Variants in ADCY2 observed in about 807,000 individuals in gnomAD.
ADCY2 encodes the protein adenylate cyclase type 2.
ADCY2 carries 31 observed loss-of-function variants against 125.2 expected under a neutral mutation model. That is an observed-to-expected ratio of 0.25 (90% CI 0.19 to 0.33). The LOEUF is 0.33. Among genes scored for constraint, ADCY2 ranks in the 10% least tolerant of loss-of-function variants. ADCY2 has a pLI of 1.00. For missense variants in ADCY2, 904 were observed against 1,418.2 expected, an observed-to-expected ratio of 0.64 and a Z score of 5.82; for synonymous variants, 512 against 548.4, an observed-to-expected ratio of 0.93 and a Z score of 0.93.
At chr5:7,680,679 T>C (rs886154805) in intron 4 of ADCY2, among the ~76,000 whole-genome samples, 1 of 152,238 alleles carries the variant, frequency 6.6e-6, no homozygotes, top group Non-Finnish European at 1.5e-5. Context: ...CTCAATGCAT[T>C]ACATATATAA....
chr5:7,817,099 G>A (rs550600727), intron 23 of ADCY2, 119 bp downstream of exon 23: 92 of 732,030 alleles, frequency 1.3e-4, no homozygotes, highest in Admixed American at 2.2e-4. Context: ...AATGCATCCC[G>A]TTGCAAGACT....
rs191691606 is a variant in ADCY2, at chr5:7,635,641, A to G, written c.720+9325A>G. Among the ~76,000 whole-genome samples, 1,271 of 152,266 alleles carry G rather than the reference A, an allele frequency of 8.3e-3. 13 individuals carry two copies. The highest frequency in any genetic ancestry group is 0.013 in the Non-Finnish European group (906 of 68,030). On this transcript the variant is annotated intron_variant, in intron 4 of 24. Transcript: ENST00000338316. ...CTGGAGTTAAAGATGTGAACTTGAA[A>G]GTCATCAGCATATAGTTCCTATTTC...
At chr5:7,439,919 G>A (rs1311534175) in intron 2 of ADCY2, among the ~76,000 whole-genome samples, 1 of 152,056 alleles carries the variant, frequency 6.6e-6, no homozygotes, top group Non-Finnish European at 1.5e-5. Context: ...GAATTCCGGG[G>A]GTGAGAGGAG....
chr5:7,776,989 C>A (rs1021376617), intron 18 of ADCY2, among the ~76,000 whole-genome samples: 1 of 152,076 alleles, frequency 6.6e-6, no homozygotes, highest in African/African-American at 2.4e-5. Context: ...CCCTGCTTTG[C>A]AGACGGCCTG....
chr5:7,822,725 CATGT>C (rs1206907969), intron 24 of ADCY2, among the ~76,000 whole-genome samples: 1 of 103,052 alleles, frequency 9.7e-6, no homozygotes, highest in Non-Finnish European at 2.2e-5. Flanking sequence ...TGTGTACATG[CATGT>C]GTGTGTGTGT....
chr5:7,504,020 T>C (rs1456948300), intron 2 of ADCY2, among the ~76,000 whole-genome samples: 1 of 152,132 alleles, frequency 6.6e-6, no homozygotes, highest in Non-Finnish European at 1.5e-5. Flanking sequence ...CATGTTTCAC[T>C]GAGGTTTTGG....
chr5:7,702,098 A>G (rs1292266134), intron 7 of ADCY2, among the ~76,000 whole-genome samples: 9 of 152,080 alleles, frequency 5.9e-5, no homozygotes, highest in Admixed American at 5.9e-4. Flanking sequence ...GATCAATAAA[A>G]TGGTTATTTT....
At chr5:7,794,797 G>A (rs913012292) in intron 20 of ADCY2, 22 of 152,136 alleles carry the variant, frequency 1.4e-4, no homozygotes, top group African/African-American at 5.3e-4. Context: ...GCAATCCCAG[G>A]CCAGGTGGGG....
intron 2 of ADCY2, among the ~76,000 whole-genome samples, chr5:7,467,558 G>C (rs1742170919): frequency 6.6e-6 from 1 of 152,154 alleles, no homozygotes; most frequent in South Asian, 2.1e-4. Context: ...TCAGATTTCT[G>C]CCTCTGGAAA....
intron 4 of ADCY2, among the ~76,000 whole-genome samples, chr5:7,683,393 G>A (rs1416285133): frequency 1.3e-5 from 2 of 152,218 alleles, no homozygotes; most frequent in African/African-American, 4.8e-5. Flanking sequence ...GCAATAGCTA[G>A]GGTAAGCGGT....
At position 7,411,173 on chromosome 5, in the gene ADCY2, G is replaced by A. The variant is rs550392156; in HGVS notation, c.211-3400G>A. Among the ~76,000 whole-genome samples, 264 of 152,308 alleles carry A rather than the reference G, an allele frequency of 1.7e-3. 1 individual carries two copies. The highest frequency in any genetic ancestry group is 6.1e-3 in the African/African-American group (254 of 41,576). ...GCAGATACAGAACAAATTGGTGGCT[G>A]TTCTCTTCCTTGAAGAGTCTCTGTT... On this transcript the variant is annotated intron_variant, in intron 1 of 24. Transcript: ENST00000338316.
intron 3 of ADCY2, among the ~76,000 whole-genome samples, chr5:7,622,892 G>A (rs1273916116): frequency 2.6e-5 from 4 of 152,198 alleles, no homozygotes; most frequent in African/African-American, 9.6e-5. Flanking sequence ...CCCTATACAG[G>A]CTGCCCCAGC....
At chr5:7,812,346 C>T (rs1304130031) in intron 22 of ADCY2, among the ~76,000 whole-genome samples, 3 of 152,206 alleles carry the variant, frequency 2.0e-5, no homozygotes, top group Admixed American at 6.5e-5. Flanking sequence ...AGAAAATGAA[C>T]TGTCCCTGTT....
At chr5:7,400,839 T>C (rs1304832723) in intron 1 of ADCY2, among the ~76,000 whole-genome samples, 1 of 152,220 alleles carries the variant, frequency 6.6e-6, no homozygotes, top group African/African-American at 2.4e-5. Context: ...TTACTTGTGG[T>C]ATAACAAAGG....
chr5:7,424,889 T>C (rs1319660721), intron 2 of ADCY2, among the ~76,000 whole-genome samples: 1 of 152,218 alleles, frequency 6.6e-6, no homozygotes, highest in East Asian at 1.9e-4. Context: ...GGTTTTCTCA[T>C]CTGGGTCTGC....
chr5:7,726,172 T>A (rs1741924082), intron 13 of ADCY2, among the ~76,000 whole-genome samples: 1 of 152,196 alleles, frequency 6.6e-6, no homozygotes, highest in South Asian at 2.1e-4. Flanking sequence ...CCTGACAGTA[T>A]TTTCAGGAGG....
At position 7,455,763 on chromosome 5, in the gene ADCY2, T is replaced by C. The variant is rs1367705455; in HGVS notation, c.408+40993T>C. Among the ~76,000 whole-genome samples, 5 of 147,072 alleles carry C rather than the reference T, an allele frequency of 3.4e-5. No homozygotes were observed. The East Asian group carries it at 9.8e-4, about 29-fold the overall frequency. ...ACAGTATGTGTTATATAAAAATATA[T>C]ACATATATACTATATATTATATAAC... On this transcript the variant is annotated intron_variant, in intron 2 of 24. Coordinates refer to ENST00000338316, the MANE Select transcript of ADCY2 (RefSeq NM_020546.3).
intron 2 of ADCY2, among the ~76,000 whole-genome samples, chr5:7,488,815 A>G (rs941125378): frequency 5.3e-5 from 8 of 152,088 alleles, no homozygotes; most frequent in African/African-American, 1.4e-4. Flanking sequence ...GCCCCTCGTC[A>G]GTGCCCAGCC....
At chr5:7,621,143 A>T (rs1057283790) in intron 3 of ADCY2, among the ~76,000 whole-genome samples, 2 of 152,186 alleles carry the variant, frequency 1.3e-5, no homozygotes, top group African/African-American at 4.8e-5. Context: ...ATGACCTGAT[A>T]CCCTTAAATG....
Sources: allele counts gnomAD v4.1 joint callset (sites outside exome capture counted in the v4.1 genomes callset), GRCh38; gene constraint gnomAD v4.1.1; transcripts MANE v1.5; gene names NCBI Gene and HGNC (gene_info 2026-07-23, HGNC 2026-07-21).